Variants in C16orf96 observed in about 807,000 individuals in gnomAD.
The protein encoded by C16orf96 is uncharacterized protein C16orf96.
A neutral mutation model predicts 103.6 loss-of-function variants in C16orf96; 108 were observed. The observed-to-expected ratio is 1.04, with a 90% CI of 0.89 to 1.22. The LOEUF is 1.22. Ranked by LOEUF, C16orf96 falls within the 50% of genes most tolerant of loss-of-function variation. C16orf96 has a pLI of 0.00. For missense variants in C16orf96, 1,586 were observed against 1,464.2 expected (o/e 1.08, Z -1.36); for synonymous variants, 566 against 593.5 (o/e 0.95, Z 0.67).
At chr16:4,545,803 T>C in the C16orf96 span, among the ~76,000 whole-genome samples, 1 of 152,214 alleles carries the variant, frequency 6.6e-6, no homozygotes, top group East Asian at 1.9e-4. Context: ...GAATAAAATT[T>C]GTTTTTACAG....
chr16:4,577,267 C>A (rs1357196024), intron 5 of C16orf96, among the ~76,000 whole-genome samples: 1 of 152,214 alleles, frequency 6.6e-6, no homozygotes, highest in Non-Finnish European at 1.5e-5. Flanking sequence ...CATGGTGACT[C>A]ATGCCTGTAA....
the C16orf96 span, among the ~76,000 whole-genome samples, chr16:4,541,207 C>T: frequency 0.092 from 13,950 of 152,152 alleles, 739 homozygotes; most frequent in Middle Eastern, 0.18. Flanking sequence ...CCACCGCGCC[C>T]GGCCTGGATT....
the C16orf96 span, among the ~76,000 whole-genome samples, chr16:4,544,765 T>A: frequency 0.014 from 2,199 of 152,248 alleles, 61 homozygotes; most frequent in African/African-American, 0.05. Context: ...GCAGCTGGTA[T>A]TATTTGTTAG....
chr16:4,592,411 G>GGGCC (rs1456013742), intron 11 of C16orf96, 44 bp downstream of exon 11: 1 of 1,549,764 alleles, frequency 6.5e-7, no homozygotes, highest in South Asian at 1.2e-5. Flanking sequence ...AGGGCTTGTG[G>GGGCC]GGCCCATGGA....
chr16:4,565,098 C>A (rs1801362292), intron 1 of C16orf96, among the ~76,000 whole-genome samples: 3 of 152,130 alleles, frequency 2.0e-5, no homozygotes, highest in African/African-American at 2.4e-5. Flanking sequence ...TGCCTTAGCC[C>A]CTTTTTCAGG....
At chr16:4,587,553 GAAAGAAAA>G (rs1476888187) in intron 8 of C16orf96, among the ~76,000 whole-genome samples, 1 of 143,568 alleles carries the variant, frequency 7.0e-6, no homozygotes, top group African/African-American at 2.6e-5. Flanking sequence ...AAAAAAGAAA[GAAAGAAAA>G]AGAAAGAAAA....
the C16orf96 span, among the ~76,000 whole-genome samples, chr16:4,542,626 G>A: frequency 8.6e-5 from 13 of 151,686 alleles, no homozygotes; most frequent in South Asian, 2.1e-4. Context: ...GTGAAACCCC[G>A]TCTCTACTAA....
the C16orf96 span, chr16:4,538,952 G>A: frequency 6.6e-6 from 1 of 152,288 alleles, no homozygotes; most frequent in Non-Finnish European, 1.5e-5. Context: ...CAATGTACAC[G>A]AGGCTGGAGA....
intron 8 of C16orf96, 136 bp downstream of exon 8, chr16:4,587,249 CGCAGTGGCTCAT>C: frequency 1.2e-6 from 1 of 820,010 alleles, no homozygotes; most frequent in Non-Finnish European, 1.9e-6. Flanking sequence ...GTTGGCTGGG[CGCAGTGGCTCAT>C]GCCTGTAATC....
At chr16:4,562,228 A>G (rs2059340061) in intron 1 of C16orf96, among the ~76,000 whole-genome samples, 1 of 152,060 alleles carries the variant, frequency 6.6e-6, no homozygotes, top group South Asian at 2.1e-4. Flanking sequence ...TAATCCCCGC[A>G]CTTTGAGAGG....
At position 4,574,609 on chromosome 16, in the gene C16orf96, G is replaced by A. The variant is rs1425519717; in HGVS notation, c.526-100G>A. ...TTGGGAAACACTGGATTTGGAACCCGTTCTTCCTTCTCAAGCTCTTAGTCA... is the reference window on the plus strand; with the variant it reads ...TTGGGAAACACTGGATTTGGAACCCATTCTTCCTTCTCAAGCTCTTAGTCA... On this transcript the variant is annotated intron_variant, in intron 2 of 15. Transcript: ENST00000444310. 3.5e-5 allele frequency: 32 copies of A among 921,774 alleles called. No homozygotes were observed. The East Asian group carries it at 4.8e-4, about 14-fold the overall frequency. 57.1% of individuals were successfully genotyped at this position (921,774 alleles called of 1,614,324 possible). A position where few individuals can be genotyped will look rare whatever the true frequency, so the allele number is the denominator to read the frequency against.
At chr16:4,554,387 G>A (rs1420151901), upstream of C16orf96, among the ~76,000 whole-genome samples, 3 of 150,380 alleles carry the variant, frequency 2.0e-5, no homozygotes, top group Non-Finnish European at 3.0e-5. Context: ...GTCTTGCTCT[G>A]TCGCCCAGGC....
intron 1 of C16orf96, among the ~76,000 whole-genome samples, chr16:4,564,530 G>C (rs1364715106): frequency 1.3e-5 from 2 of 152,192 alleles, no homozygotes; most frequent in African/African-American, 2.4e-5. Context: ...GATTTTTAAG[G>C]CTGGGCGTGG....
At chr16:4,584,379 G>A (rs932754005) in intron 7 of C16orf96, among the ~76,000 whole-genome samples, 3 of 11,688 alleles carry the variant, frequency 2.6e-4, no homozygotes, top group African/African-American at 6.1e-4. Context: ...ATACAGTCTC[G>A]CTCTGTCGCC....
Position 4,568,629 on chromosome 16 carries a change from AT to A in C16orf96, c.421-2915del, listed in dbSNP as rs34974380. ...TTTTTTTCTTTTTCTTTTCTTTTTA[AT>A]TTTTTTTTTTTTTTTTGAGACAGAG... On this transcript the variant is annotated intron_variant, in intron 1 of 15. Coordinates refer to ENST00000444310, the MANE Select transcript of C16orf96 (RefSeq NM_001145011.2). Among the ~76,000 whole-genome samples, 1,022 of 125,530 alleles carry A rather than the reference AT, an allele frequency of 8.1e-3. 12 individuals are homozygous for A. The highest frequency in any genetic ancestry group is 0.028 in the African/African-American group (920 of 33,404). The allele number at this position is 125,530 out of a possible 152,430, so 82.4% of individuals were successfully genotyped here.
At chr16:4,569,025 A>C (rs1349939680) in intron 1 of C16orf96, among the ~76,000 whole-genome samples, 2 of 152,110 alleles carry the variant, frequency 1.3e-5, no homozygotes, top group Non-Finnish European at 2.9e-5. Flanking sequence ...GCTGGAGAGC[A>C]GTGGCATAAT....
chr16:4,550,290 G>A, the C16orf96 span, among the ~76,000 whole-genome samples: 1 of 151,962 alleles, frequency 6.6e-6, no homozygotes, highest in Non-Finnish European at 1.5e-5. Context: ...TCATCATGTT[G>A]GACAGGTTGG....
Position 4,594,785 on chromosome 16 carries a change from G to C in C16orf96, c.3109G>C (p.Val1037Leu). 2 of 1,550,636 alleles carry C rather than the reference G, an allele frequency of 1.3e-6. No homozygotes were observed. Among genetic ancestry groups the C allele is most frequent in the Non-Finnish European group, 1.7e-6 (2 of 1,146,870 alleles). ...CCAGCGTGGGGCTCAGCCCTTGGCC[G>C]TCGCAAAGGAGCTGGCAGGTGAGGG... ...NSQRGAQPLA[V>L]AKELAAVKAP... The change falls in exon 14 of 16, where the codon GTC (valine) becomes CTC (leucine). Residue 1037 changes from valine (V) to leucine (L), a missense_variant. Physicochemically the swap from Val to Leu is conservative, Grantham distance 32. Transcript: ENST00000444310.
At chr16:4,570,758 G>A (rs1185646629) in intron 1 of C16orf96, among the ~76,000 whole-genome samples, 1 of 152,058 alleles carries the variant, frequency 6.6e-6, no homozygotes, top group African/African-American at 2.4e-5. Context: ...GAGCCACCGC[G>A]CCAAGCTCGC....
Sources: allele counts gnomAD v4.1 joint callset (sites outside exome capture counted in the v4.1 genomes callset), GRCh38; gene constraint gnomAD v4.1.1; transcripts MANE v1.5; gene names NCBI Gene and HGNC (gene_info 2026-07-23, HGNC 2026-07-21).